ZFX: variants seen among roughly 807,000 people sequenced by gnomAD.
ZFX encodes the protein zinc finger X-chromosomal protein.
For synonymous variants in ZFX, 196 were observed against 226.8 expected (o/e 0.86, Z 1.22); for missense variants, 362 against 628.3 (o/e 0.58, Z 4.53).
intron 3 of ZFX, among the ~76,000 whole-genome samples, chrX:24,157,590 A>G (rs1484126759): frequency 8.9e-6 from 1 of 111,947 alleles, no homozygotes; most frequent in Non-Finnish European, 1.9e-5. Flanking sequence ...AAGAAATTGC[A>G]AAGTGGGTGT....
At chrX:24,149,455 C>G (rs2147157402), upstream of ZFX, 1 of 111,351 alleles carries the variant, frequency 9.0e-6, no homozygotes, top group African/African-American at 3.2e-5. Flanking sequence ...GGCGCTGTCA[C>G]GGAGACTCCG....
intron 9 of ZFX, among the ~76,000 whole-genome samples, chrX:24,209,387 A>G (rs1432902563): frequency 8.9e-6 from 1 of 112,303 alleles, no homozygotes; most frequent in Non-Finnish European, 1.9e-5. Flanking sequence ...GGCATAATTT[A>G]CAGAGCAGCA....
chrX:24,164,439 T>A (rs1030216248), intron 3 of ZFX, among the ~76,000 whole-genome samples: 3 of 111,891 alleles, frequency 2.7e-5, no homozygotes, highest in African/African-American at 9.8e-5. Flanking sequence ...GCTTAAGGTA[T>A]ACAGAGAATA....
At chrX:24,181,551 A>T (rs887716558) in intron 5 of ZFX, among the ~76,000 whole-genome samples, 9 of 111,964 alleles carry the variant, frequency 8.0e-5, no homozygotes, top group Non-Finnish European at 1.5e-4. Context: ...CTTTGCTGAT[A>T]TTGCTGATAA....
At chrX:24,161,387 G>C (rs1347546278) in intron 3 of ZFX, among the ~76,000 whole-genome samples, 1 of 111,881 alleles carries the variant, frequency 8.9e-6, no homozygotes, top group African/African-American at 3.2e-5. Context: ...TTTTCTTTTG[G>C]ATAGGCTAGT....
intron 5 of ZFX, among the ~76,000 whole-genome samples, chrX:24,197,531 CT>C (rs1403678683): frequency 9.0e-6 from 1 of 111,144 alleles, no homozygotes; most frequent in African/African-American, 3.3e-5. Context: ...TGTGAAAATG[CT>C]TATGGAGAAG....
At position 24,216,028 on chromosome X, in the gene ZFX, T is replaced by C. The variant is rs1457558098; in HGVS notation, c.*4652T>C. On this transcript the variant is annotated 3_prime_UTR_variant, in exon 10 of 10. Transcript: ENST00000304543. Reference sequence around the variant, plus strand: ...ATAAAAATCTTGGATTTGTTATATATTGTTCCTGTTATTTTTGACATCTTT... The same window carrying C: ...ATAAAAATCTTGGATTTGTTATATACTGTTCCTGTTATTTTTGACATCTTT... 1 of 112,043 alleles carries C rather than the reference T, an allele frequency of 8.9e-6. No individual in the cohort carries two copies. Among genetic ancestry groups the C allele is most frequent in the Non-Finnish European group, 1.9e-5 (1 of 53,233 alleles). 9.2% of individuals were successfully genotyped at this position (112,043 alleles called of 1,213,427 possible).
chrX:24,198,489 T>G (rs1328589197), intron 5 of ZFX, among the ~76,000 whole-genome samples: 1 of 110,340 alleles, frequency 9.1e-6, no homozygotes, highest in Non-Finnish European at 1.9e-5. Context: ...CTTTGTTTTT[T>G]TTTTTTTTTT....
At chrX:24,150,612 TG>T (rs1931976654) in intron 1 of ZFX, 1 of 113,256 alleles carries the variant, frequency 8.8e-6, no homozygotes, top group African/African-American at 3.2e-5. Flanking sequence ...CCCCTGGCCC[TG>T]CGCCTTCCCC....
intron 3 of ZFX, among the ~76,000 whole-genome samples, chrX:24,169,929 A>C (rs1019438115): frequency 1.8e-5 from 2 of 110,848 alleles, no homozygotes; most frequent in Non-Finnish European, 3.8e-5. Context: ...AAAGCAACAG[A>C]GGAAGGAGAG....
At chrX:24,201,447 A>C (rs1324373864) in intron 5 of ZFX, among the ~76,000 whole-genome samples, 1 of 112,738 alleles carries the variant, frequency 8.9e-6, no homozygotes, top group Non-Finnish European at 1.9e-5. Context: ...GGTACAGACA[A>C]ATTGACATGC....
At chrX:24,177,920 A>G in intron 4 of ZFX, 1 of 692,779 alleles carries the variant, frequency 1.4e-6, no homozygotes, top group Non-Finnish European at 1.7e-6. Context: ...AAGTTGCATT[A>G]CTTAATTTTT....
At position 24,160,550 on chromosome X, in the gene ZFX, C is replaced by T. The variant is rs137978836; in HGVS notation, c.-29+7720C>T. On this transcript the variant is annotated intron_variant, in intron 3 of 9. Transcript: ENST00000304543. ...CTGACCTCAGGTGATCCACCTGCCT[C>T]GGCCTCACAAAGTGCTGGGATTACA... 8.1e-3 allele frequency among the ~76,000 whole-genome samples: 894 copies of T among 110,724 alleles called. 11 individuals are homozygous for T. The highest frequency in any genetic ancestry group is 0.027 in the African/African-American group (821 of 30,437).
chrX:24,207,262 T>TTTTGG, intron 5 of ZFX, 64 bp from the exon 6 acceptor site: 1 of 1,075,508 alleles, frequency 9.3e-7, no homozygotes, highest in Admixed American at 2.8e-5. Flanking sequence ...TTTTTTTTTT[T>TTTTGG]GCGAATAGTA....
chrX:24,203,938 C>T (rs962199893), intron 5 of ZFX, among the ~76,000 whole-genome samples: 1 of 112,409 alleles, frequency 8.9e-6, no homozygotes, highest in African/African-American at 3.2e-5. Context: ...TTACAATATA[C>T]ATAAATAAGC....
chrX:24,168,994 TC>T (rs1934297631), intron 3 of ZFX, among the ~76,000 whole-genome samples: 1 of 111,172 alleles, frequency 9.0e-6, no homozygotes, highest in African/African-American at 3.3e-5. Flanking sequence ...CGTACCTTCT[TC>T]CACCCTTCGT....
At chrX:24,188,894 G>T (rs1936340363) in intron 5 of ZFX, among the ~76,000 whole-genome samples, 2 of 111,623 alleles carry the variant, frequency 1.8e-5, no homozygotes, top group Admixed American at 9.5e-5. Context: ...CTGGAGTGCA[G>T]TGGTGCGATC....
intron 3 of ZFX, among the ~76,000 whole-genome samples, chrX:24,164,042 A>G (rs1601822296): frequency 1.0e-5 from 1 of 97,660 alleles, no homozygotes; most frequent in Non-Finnish European, 2.1e-5. Flanking sequence ...CCTCTTTTAG[A>G]TTATTATCTT....
chrX:24,191,981 T>C (rs1430334398), intron 5 of ZFX, among the ~76,000 whole-genome samples: 1 of 112,017 alleles, frequency 8.9e-6, no homozygotes, highest in Non-Finnish European at 1.9e-5. Context: ...ATTACAGGTG[T>C]GAGCCACCAA....
Sources: allele counts gnomAD v4.1 joint callset (sites outside exome capture counted in the v4.1 genomes callset), GRCh38; gene constraint gnomAD v4.1.1; transcripts MANE v1.5; gene names NCBI Gene and HGNC (gene_info 2026-07-23, HGNC 2026-07-21).